TBC1D22A: variants seen among roughly 807,000 people sequenced by gnomAD.
TBC1D22A encodes the protein TBC1 domain family member 22A, also known as putative GTPase activator.
Under a neutral mutation model 60.2 loss-of-function variants are expected in TBC1D22A, and 38 were observed. The ratio of observed to expected loss-of-function variants is 0.63; its 90% CI spans 0.49 to 0.83. The LOEUF is 0.83. Among genes scored for constraint, TBC1D22A ranks in the 40% least tolerant of loss-of-function variants. The pLI is 0.00. For synonymous variants in TBC1D22A, 302 were observed against 281.7 expected, an observed-to-expected ratio of 1.07 and a Z score of -0.72; for missense variants, 628 against 701.0, an observed-to-expected ratio of 0.90 and a Z score of 1.18.
At chr22:47,041,301 G>A (rs1161233544) in intron 11 of TBC1D22A, among the ~76,000 whole-genome samples, 1 of 152,188 alleles carries the variant, frequency 6.6e-6, no homozygotes, top group Non-Finnish European at 1.5e-5. Context: ...TAAATTGCAG[G>A]GGATGAAAGA....
intron 12 of TBC1D22A, among the ~76,000 whole-genome samples, chr22:47,156,013 C>T (rs867226310): frequency 4.3e-4 from 66 of 152,162 alleles, no homozygotes; most frequent in African/African-American, 1.6e-3. Flanking sequence ...TGTGTGACAC[C>T]GGGTTCATCA....
At chr22:47,125,328 G>C (rs1335518987) in intron 12 of TBC1D22A, among the ~76,000 whole-genome samples, 2 of 152,204 alleles carry the variant, frequency 1.3e-5, no homozygotes, top group South Asian at 2.1e-4. Context: ...CTCAGAAGCC[G>C]GCACAGCTAA....
At chr22:46,795,326 C>A (rs1237743049) in intron 3 of TBC1D22A, among the ~76,000 whole-genome samples, 1 of 152,218 alleles carries the variant, frequency 6.6e-6, no homozygotes, top group African/African-American at 2.4e-5. Flanking sequence ...GCACCGTGCC[C>A]CCTACCCCCA....
Position 47,173,671 on chromosome 22 carries a change from C to T in TBC1D22A, c.*45C>T. The T allele has an allele frequency of 6.2e-7, 1 of 1,606,716 alleles. No individual in the cohort carries two copies. Among genetic ancestry groups the T allele is most frequent in the Non-Finnish European group, 8.5e-7 (1 of 1,175,330 alleles). On this transcript the variant is annotated 3_prime_UTR_variant, in exon 13 of 13. Coordinates refer to ENST00000337137, the MANE Select transcript of TBC1D22A (RefSeq NM_014346.5). ...TGGCCTCACTGTCCCGGGTGGCGCG[C>T]CCCACCTGCCTGGCTGGTGGTAGGC...
intron 10 of TBC1D22A, among the ~76,000 whole-genome samples, chr22:47,022,071 C>T (rs950396967): frequency 6.6e-6 from 1 of 152,160 alleles, no homozygotes; most frequent in Admixed American, 6.5e-5. Flanking sequence ...AAATCACAGC[C>T]CCACAGTTCA....
chr22:46,857,379 G>A (rs1298694787), intron 4 of TBC1D22A, among the ~76,000 whole-genome samples: 1 of 152,204 alleles, frequency 6.6e-6, no homozygotes, highest in South Asian at 2.1e-4. Flanking sequence ...GCCCATCATC[G>A]CTGTAGTCCC....
chr22:46,808,947 C>T (rs115548256), intron 4 of TBC1D22A, among the ~76,000 whole-genome samples: 1 of 152,210 alleles, frequency 6.6e-6, no homozygotes, highest in Non-Finnish European at 1.5e-5. Flanking sequence ...CTCTTGAAAT[C>T]CCAGACTATG....
chr22:47,091,541 T>TG (rs1267504190), intron 11 of TBC1D22A, among the ~76,000 whole-genome samples: 8 of 120,118 alleles, frequency 6.7e-5, no homozygotes, highest in African/African-American at 1.3e-4. Flanking sequence ...AAGTCGTCTT[T>TG]GGGGGGGTGT....
At chr22:47,136,936 G>T (rs909963940) in intron 12 of TBC1D22A, among the ~76,000 whole-genome samples, 1 of 152,090 alleles carries the variant, frequency 6.6e-6, no homozygotes, top group Non-Finnish European at 1.5e-5. Context: ...CCTCCCAGTC[G>T]CCCCGGGGCT....
chr22:46,884,985 A>G (rs1490956851), intron 5 of TBC1D22A, among the ~76,000 whole-genome samples: 1 of 152,188 alleles, frequency 6.6e-6, no homozygotes, highest in Non-Finnish European at 1.5e-5. Context: ...GCTGGGCATG[A>G]TTAGAAGCAA....
chr22:46,805,317 C>T (rs1185503016), intron 4 of TBC1D22A, among the ~76,000 whole-genome samples: 1 of 152,206 alleles, frequency 6.6e-6, no homozygotes, highest in Non-Finnish European at 1.5e-5. Flanking sequence ...ACACAGGGTG[C>T]CTTGTATCTG....
chr22:47,073,861 C>T (rs2064103810), intron 11 of TBC1D22A, among the ~76,000 whole-genome samples: 1 of 152,162 alleles, frequency 6.6e-6, no homozygotes. Flanking sequence ...GGCACATTAG[C>T]ACACACCTGT....
chr22:47,153,491 A>T (rs1020801071), intron 12 of TBC1D22A, among the ~76,000 whole-genome samples: 1 of 152,122 alleles, frequency 6.6e-6, no homozygotes, highest in East Asian at 1.9e-4. Context: ...TGCAGGCAGA[A>T]AGGCGTGAGA....
chr22:46,797,837 A>G (rs1371414351), intron 4 of TBC1D22A, among the ~76,000 whole-genome samples: 1 of 152,200 alleles, frequency 6.6e-6, no homozygotes, highest in African/African-American at 2.4e-5. Flanking sequence ...TGTTTTTCCC[A>G]TGCAATTTGA....
chr22:47,137,023 T>G (rs2066900476), intron 12 of TBC1D22A, among the ~76,000 whole-genome samples: 1 of 152,058 alleles, frequency 6.6e-6, no homozygotes, highest in South Asian at 2.1e-4. Context: ...ACGTCTTCAC[T>G]CGGCGCGGGC....
chr22:46,999,669 G>T (rs190715363), intron 10 of TBC1D22A, among the ~76,000 whole-genome samples: 47 of 152,028 alleles, frequency 3.1e-4, no homozygotes, highest in Admixed American at 2.0e-3. Flanking sequence ...TTTTTGCAGG[G>T]ATTGTAAAGA....
At chr22:46,988,791 C>G (rs572424059) in intron 9 of TBC1D22A, among the ~76,000 whole-genome samples, 1 of 152,308 alleles carries the variant, frequency 6.6e-6, no homozygotes, top group South Asian at 2.1e-4. Flanking sequence ...TTGGCTTTAA[C>G]TTAAAGTCAC....
At position 47,101,042 on chromosome 22, in the gene TBC1D22A, G is replaced by T. The variant is rs186686189; in HGVS notation, c.1330-10466G>T. ...TGCCCGATTTGCATGGCACTCCCGG[G>T]AGCCCTTGGGTATTGTGCTTCAGTG... On this transcript the variant is annotated intron_variant, in intron 11 of 12. Transcript: ENST00000337137. 2.5e-3 allele frequency among the ~76,000 whole-genome samples: 387 copies of T among 152,248 alleles called. 3 individuals are homozygous for T. Among genetic ancestry groups the T allele is most frequent in the Admixed American group, 0.025 (377 of 15,296 alleles).
intron 4 of TBC1D22A, among the ~76,000 whole-genome samples, chr22:46,808,477 G>A (rs1299003284): frequency 6.6e-6 from 1 of 152,188 alleles, no homozygotes; most frequent in South Asian, 2.1e-4. Context: ...CCTTAAATCA[G>A]TTGCCAAGAA....
Sources: gnomAD v4.1 joint callset for allele counts (sites outside exome capture counted in the v4.1 genomes callset) on GRCh38, gnomAD v4.1.1 for gene constraint, MANE v1.5 for transcripts, NCBI Gene and HGNC (gene_info 2026-07-23, HGNC 2026-07-21) for gene names.